NRG1: variants seen among roughly 807,000 people sequenced by gnomAD.
NRG1 encodes the protein neuregulin 1.
In NRG1, 18 loss-of-function variants were observed where a neutral mutation model predicts 63.8. That is an observed-to-expected ratio of 0.28 (90% CI 0.19 to 0.42). The LOEUF is 0.42. Ranked by LOEUF, NRG1 falls within the 10% of genes least tolerant of loss-of-function variation. The pLI is 1.00. For synonymous variants in NRG1, 302 were observed against 301.3 expected (o/e 1.00, Z -0.02); for missense variants, 762 against 814.7 (o/e 0.94, Z 0.79).
chr8:32,353,703 T>G (rs1157065326), intron 1 of NRG1, among the ~76,000 whole-genome samples: 2 of 152,230 alleles, frequency 1.3e-5, no homozygotes, highest in Admixed American at 6.5e-5. Context: ...ACTGAAGTTC[T>G]CATACACTGC....
At chr8:32,704,092 G>C (rs760344499) in intron 5 of NRG1, among the ~76,000 whole-genome samples, 7 of 152,180 alleles carry the variant, frequency 4.6e-5, no homozygotes, top group Non-Finnish European at 8.8e-5. Context: ...TTAACAAATT[G>C]CTAGTTGCCT....
chr8:31,728,000 G>A (rs189090634), intron 1 of NRG1, among the ~76,000 whole-genome samples: 4 of 152,262 alleles, frequency 2.6e-5, no homozygotes, highest in African/African-American at 9.6e-5. Flanking sequence ...TCCCGGGTAG[G>A]AGGGGGCAGG....
At chr8:32,367,591 T>A (rs1003982805) in intron 1 of NRG1, among the ~76,000 whole-genome samples, 1 of 152,188 alleles carries the variant, frequency 6.6e-6, no homozygotes, top group African/African-American at 2.4e-5. Context: ...CTTTGTCAGA[T>A]GAATAGTTTG....
chr8:32,224,460 A>T (rs147772723), intron 1 of NRG1, among the ~76,000 whole-genome samples: 2 of 152,214 alleles, frequency 1.3e-5, no homozygotes, highest in African/African-American at 2.4e-5. Context: ...ACTTAGAACT[A>T]TCTGAGGATC....
At chr8:32,093,796 G>T (rs779457017) in intron 1 of NRG1, among the ~76,000 whole-genome samples, 1 of 152,232 alleles carries the variant, frequency 6.6e-6, no homozygotes, top group Non-Finnish European at 1.5e-5. Context: ...GACTTAGGAT[G>T]TGGAGTTGGG....
intron 1 of NRG1, among the ~76,000 whole-genome samples, chr8:32,576,324 C>T (rs1839624784): frequency 6.6e-6 from 1 of 152,122 alleles, no homozygotes; most frequent in Non-Finnish European, 1.5e-5. Flanking sequence ...CTCATTTTCT[C>T]TTCTTTTTTT....
chr8:31,952,454 A>G (rs1586024848), intron 1 of NRG1, among the ~76,000 whole-genome samples: 2 of 152,186 alleles, frequency 1.3e-5, no homozygotes, highest in South Asian at 2.1e-4. Flanking sequence ...TTCTCAGGGG[A>G]GCAGAGTATG....
chr8:32,119,849 T>G (rs980022398), intron 1 of NRG1, among the ~76,000 whole-genome samples: 1 of 152,100 alleles, frequency 6.6e-6, no homozygotes, highest in Non-Finnish European at 1.5e-5. Context: ...AAAAATAAAC[T>G]TCTGCTGTGT....
intron 1 of NRG1, among the ~76,000 whole-genome samples, chr8:32,160,814 G>C (rs898481520): frequency 1.3e-5 from 2 of 152,166 alleles, no homozygotes; most frequent in Non-Finnish European, 2.9e-5. Context: ...GATTTTTATA[G>C]AAGCCCTCTG....
intron 1 of NRG1, among the ~76,000 whole-genome samples, chr8:32,443,191 C>T (rs576491820): frequency 9.9e-5 from 15 of 152,234 alleles, no homozygotes; most frequent in African/African-American, 3.1e-4. Context: ...GTTCTCCCAC[C>T]TTGGCTTCCC....
chr8:31,840,630 A>G (rs1278813029), intron 1 of NRG1, among the ~76,000 whole-genome samples: 2 of 151,934 alleles, frequency 1.3e-5, no homozygotes, highest in Non-Finnish European at 2.9e-5. Context: ...GGTTTTTCCA[A>G]CTCTCAGATG....
At chr8:32,653,123 GT>G (rs150693577) in intron 5 of NRG1, among the ~76,000 whole-genome samples, 2 of 148,342 alleles carry the variant, frequency 1.3e-5, no homozygotes, top group Admixed American at 6.8e-5. Flanking sequence ...TTCCTCTTTG[GT>G]TTTTTTTTGT....
intron 2 of NRG1, among the ~76,000 whole-genome samples, chr8:32,600,526 T>G (rs1396328211): frequency 6.6e-6 from 1 of 152,146 alleles, no homozygotes; most frequent in Non-Finnish European, 1.5e-5. Flanking sequence ...ACCTTGTAAG[T>G]GAGCACACAG....
At chr8:31,639,877 G>A in intron 1 of NRG1, 2 of 1,092,188 alleles carry the variant, frequency 1.8e-6, no homozygotes, top group Non-Finnish European at 2.2e-6. Flanking sequence ...AGGAGGGCAA[G>A]GGGGGAGGAG....
chr8:32,559,777 G>A (rs1451364311), intron 1 of NRG1, among the ~76,000 whole-genome samples: 1 of 150,412 alleles, frequency 6.6e-6, no homozygotes, highest in Non-Finnish European at 1.5e-5. Context: ...TGGGAGCATC[G>A]CTTGAGCTCG....
chr8:32,487,074 A>C (rs562681217), intron 1 of NRG1, among the ~76,000 whole-genome samples: 40 of 152,318 alleles, frequency 2.6e-4, no homozygotes, highest in South Asian at 2.1e-3. Flanking sequence ...AAAACATATA[A>C]AGTACATTTT....
chr8:32,631,161 C>CT (rs33968989), intron 5 of NRG1, among the ~76,000 whole-genome samples: 46,139 of 151,524 alleles, frequency 0.3, 7,342 homozygotes, highest in Non-Finnish European at 0.34. Flanking sequence ...ACTGTAGTAA[C>CT]TTTTTTTAAA....
intron 1 of NRG1, among the ~76,000 whole-genome samples, chr8:32,508,826 C>T (rs958703266): frequency 1.3e-5 from 2 of 151,952 alleles, no homozygotes; most frequent in South Asian, 4.1e-4. Flanking sequence ...ACCTCTACCT[C>T]CCAGGTTCAA....
intron 5 of NRG1, 119 bp from the exon 6 acceptor site, chr8:32,727,830 A>G (rs1207680671): frequency 7.3e-6 from 7 of 953,466 alleles, no homozygotes. Flanking sequence ...AAGGTCTGCA[A>G]GTTTAGTGAA....
Sources: allele counts gnomAD v4.1 joint callset (sites outside exome capture counted in the v4.1 genomes callset), GRCh38; gene constraint gnomAD v4.1.1; transcripts MANE v1.5; gene names NCBI Gene and HGNC (gene_info 2026-07-23, HGNC 2026-07-21).